The following PMM1 variants were observed in gnomAD, a reference collection of about 807,000 sequenced individuals.
The protein encoded by PMM1 is phosphomannomutase 1, also known as brain glucose-1,6-bisphosphatase.
PMM1 carries 25 observed loss-of-function variants against 34.0 expected under a neutral mutation model. That is an observed-to-expected ratio of 0.73 (90% CI 0.54 to 1.03). The LOEUF (loss-of-function observed/expected upper bound fraction) is 1.03. Among genes scored for constraint, PMM1 ranks in the 50% least tolerant of loss-of-function variants. The probability of loss-of-function intolerance (pLI) is 0.00; values close to 1 mark genes in which losing one functional copy is unlikely to be tolerated. For synonymous variants in PMM1, 134 were observed against 143.9 expected (o/e 0.93, Z 0.49); for missense variants, 321 against 350.1 (o/e 0.92, Z 0.66).
Position 41,586,095 on chromosome 22 carries a change from C to A in PMM1, c.186G>T (p.Gln62His). The A allele has an allele frequency of 1.2e-6, 2 of 1,609,824 alleles. No individual in the cohort carries two copies. The highest frequency in any genetic ancestry group is 1.7e-6 in the Non-Finnish European group (2 of 1,178,322). ...TCCTACCTTCATCCCCGTCACCCAG[C>A]TGCTCAGCGATCTTACAGTAGTCAG... is the stretch of plus-strand genomic sequence containing the variant. The part of the protein sequence containing the change: ...GGSDYCKIAE[Q>H]LGDGDEVIEK... Residue 62 changes from glutamine (Q) to histidine (H), a missense_variant, in exon 2 of 8, where the codon CAG becomes CAT. Gln to His is a conservative substitution (Grantham distance 24). Coordinates refer to ENST00000216259, the MANE Select transcript of PMM1 (RefSeq NM_002676.3).
At chr22:41,584,462 C>T in intron 3 of PMM1, 65 bp downstream of exon 3, 9 of 1,565,618 alleles carry the variant, frequency 5.7e-6, no homozygotes, top group Non-Finnish European at 7.9e-6. Context: ...AGGACAGAAG[C>T]CCCCTTGGAC....
chr22:41,583,073 C>T (rs1365114929), intron 5 of PMM1, among the ~76,000 whole-genome samples: 1 of 151,294 alleles, frequency 6.6e-6, no homozygotes, highest in Non-Finnish European at 1.5e-5. Flanking sequence ...GCCCTCAGGG[C>T]TTGAGGCACC....
rs540695717 is a variant in PMM1, at chr22:41,584,545, T to C, written c.264A>G (p.Gly88=). 1.6e-5 allele frequency: 26 copies of C among 1,613,802 alleles called. No individual in the cohort carries two copies. In the East Asian group the frequency reaches 4.5e-4, roughly 28 times the overall value. The change falls in exon 3 of 8, where the codon GGA becomes GGG. Residue 88 remains glycine (G), a synonymous_variant. Coordinates refer to ENST00000216259, the MANE Select transcript of PMM1 (RefSeq NM_002676.3). ...CACTGACCTGCTTGGAGAGCAGTCG[T>C]CCGTGCTTATACTGCACCGTCCCGT... The part of the protein sequence containing the change: ...AENGTVQYKH[G]RLLSKQTIQN...
intron 1 of PMM1, chr22:41,588,753 AGGGGCATTC>A (rs1168401417): frequency 2.0e-6 from 2 of 985,016 alleles, no homozygotes; most frequent in East Asian, 2.3e-4. Flanking sequence ...GAGGATGGGG[AGGGGCATTC>A]GGGACCTAAG....
At chr22:41,578,533 G>A (rs1373841994) in intron 6 of PMM1, among the ~76,000 whole-genome samples, 1 of 152,148 alleles carries the variant, frequency 6.6e-6, no homozygotes, top group African/African-American at 2.4e-5. Context: ...TTGGGAAGGG[G>A]TGGGGGAGAG....
rs2067207415 is a variant in PMM1, at chr22:41,578,834, A to C, written c.522T>G (p.Phe174Leu). The part of the protein sequence containing the change: ...EKFVEALKTE[F>L]AGKGLRFSRG... ...GAGAGAACCTCAGCCCTTTGCCAGC[A>C]AACTCTGTTTTCAGGGCTTCCACGA... Residue 174 changes from phenylalanine to leucine, a missense_variant, in exon 6 of 8, where the codon TTT (phenylalanine) becomes TTG (leucine). Phe to Leu is a conservative substitution (Grantham distance 22). Transcript: ENST00000216259. 1 of 1,613,912 alleles carries C rather than the reference A, an allele frequency of 6.2e-7. No homozygotes were observed. The highest frequency in any genetic ancestry group is 1.1e-5 in the South Asian group (1 of 91,086).
chr22:41,587,480 GGCACTT>G, intron 1 of PMM1, among the ~76,000 whole-genome samples: 1 of 151,768 alleles, frequency 6.6e-6, no homozygotes, highest in African/African-American at 2.4e-5. Flanking sequence ...CAGGCATGGT[GGCACTT>G]GCCTGTAGTC....
intron 5 of PMM1, among the ~76,000 whole-genome samples, chr22:41,581,148 C>T (rs1178963266): frequency 7.0e-6 from 1 of 142,520 alleles, no homozygotes; most frequent in East Asian, 2.0e-4. Flanking sequence ...CAAAACCAAA[C>T]CAAAACCAAA....
Position 41,577,272 on chromosome 22 carries a change from T to A in PMM1, c.*46A>T. On this transcript the variant is annotated 3_prime_UTR_variant, in exon 8 of 8. Transcript: ENST00000216259. The stretch of plus-strand genomic sequence containing the variant: ...CAACACCAGGACCTCTCTTTAGGCC[T>A]AGGCCAAACTCTTCAGAAGTCACGA... 1 of 1,610,932 alleles carries A rather than the reference T, an allele frequency of 6.2e-7. No homozygotes were observed. Among genetic ancestry groups the A allele is most frequent in the Non-Finnish European group, 8.5e-7 (1 of 1,179,688 alleles).
chr22:41,589,259 G>A (rs2067351214), intron 1 of PMM1: 2 of 514,906 alleles, frequency 3.9e-6, no homozygotes, highest in South Asian at 3.1e-5. Context: ...GAGACGCCCT[G>A]TCTCCCACCA....
intron 1 of PMM1, among the ~76,000 whole-genome samples, chr22:41,587,546 AGG>A (rs2067325968): frequency 1.3e-5 from 2 of 151,282 alleles, no homozygotes; most frequent in Non-Finnish European, 2.9e-5. Flanking sequence ...ACTTGAGCCC[AGG>A]AGTTCGAGGC....
At chr22:41,584,259 G>C (rs1296116661) in intron 4 of PMM1, 22 bp downstream of exon 4, 1 of 1,607,262 alleles carries the variant, frequency 6.2e-7, no homozygotes, top group South Asian at 1.1e-5. Context: ...AGGTTCTGGA[G>C]ACCAGGCTGG....
chr22:41,588,088 T>C (rs1487713106), intron 1 of PMM1, among the ~76,000 whole-genome samples: 8 of 152,356 alleles, frequency 5.3e-5, no homozygotes, highest in Admixed American at 4.6e-4. Flanking sequence ...TTCACTCTTG[T>C]TGCCCAGGCT....
chr22:41,578,904 G>A (rs200632314), intron 5 of PMM1, 23 bp from the exon 6 acceptor site: 1 of 1,608,852 alleles, frequency 6.2e-7, no homozygotes, highest in East Asian at 2.2e-5. Flanking sequence ...GGGAGCGGAT[G>A]GCAGCTCAGA....
At chr22:41,585,541 G>C (rs775873095) in intron 2 of PMM1, 1 of 151,814 alleles carries the variant, frequency 6.6e-6, no homozygotes, top group Non-Finnish European at 1.5e-5. Context: ...ACCCAGGCTG[G>C]AGTGCAGTGG....
intron 1 of PMM1, chr22:41,589,413 C>T (rs766958971): frequency 3.9e-6 from 2 of 507,648 alleles, no homozygotes; most frequent in Non-Finnish European, 7.2e-6. Context: ...CAGGCCTTAG[C>T]GGCGTGTGAC....
intron 6 of PMM1, 117 bp downstream of exon 6, chr22:41,578,689 G>A: frequency 1.3e-6 from 1 of 788,422 alleles, no homozygotes; most frequent in Non-Finnish European, 2.1e-6. Flanking sequence ...TCTCTGCCCT[G>A]AGCCGGGGAG....
chr22:41,584,233 TCCTC>T, intron 4 of PMM1, 44 bp downstream of exon 4: 1 of 1,542,518 alleles, frequency 6.5e-7, no homozygotes, highest in East Asian at 2.2e-5. Context: ...CCCACACTTC[TCCTC>T]CCTCAGGCCC....
intron 1 of PMM1, among the ~76,000 whole-genome samples, chr22:41,588,080 C>T (rs573279722): frequency 9.8e-5 from 15 of 152,322 alleles, no homozygotes; most frequent in African/African-American, 2.4e-4. Flanking sequence ...GACGGAGTTT[C>T]ACTCTTGTTG....
Sources: allele counts gnomAD v4.1 joint callset (sites outside exome capture counted in the v4.1 genomes callset), GRCh38; gene constraint gnomAD v4.1.1; transcripts MANE v1.5; gene names NCBI Gene and HGNC (gene_info 2026-07-23, HGNC 2026-07-21).